CNTNAP5: variants seen among roughly 807,000 people sequenced by gnomAD.
CNTNAP5 encodes contactin associated protein family member 5.
CNTNAP5 carries 72 observed loss-of-function variants against 150.2 expected under a neutral mutation model. That is an observed-to-expected ratio of 0.48 (90% CI 0.40 to 0.58). The LOEUF is 0.58. Ranked by LOEUF, CNTNAP5 falls within the 20% of genes least tolerant of loss-of-function variation. The pLI is 0.00. For missense variants in CNTNAP5, 1,636 were observed against 1,626.2 expected (o/e 1.01, Z -0.10); for synonymous variants, 672 against 619.8 (o/e 1.08, Z -1.25).
At chr2:124,043,198 C>T (rs189509943) in intron 1 of CNTNAP5, among the ~76,000 whole-genome samples, 3 of 152,140 alleles carry the variant, frequency 2.0e-5, no homozygotes, top group Non-Finnish European at 2.9e-5. Context: ...TGTAGTCCAG[C>T]CTACCCTGCA....
intron 17 of CNTNAP5, among the ~76,000 whole-genome samples, chr2:124,775,870 C>T (rs1206169663): frequency 2.0e-5 from 3 of 152,120 alleles, no homozygotes; most frequent in Admixed American, 6.6e-5. Flanking sequence ...TTGTTATTCC[C>T]CCCTAATGTG....
chr2:124,084,881 A>G (rs1682642844), intron 1 of CNTNAP5, among the ~76,000 whole-genome samples: 1 of 138,102 alleles, frequency 7.2e-6, no homozygotes, highest in African/African-American at 2.7e-5. Flanking sequence ...GTGTCTAGAG[A>G]TTTTTTTGGG....
rs1240003164 is a variant in CNTNAP5, at chr2:124,860,021, T to C, written c.3218-5285T>C. 2.6e-5 allele frequency among the ~76,000 whole-genome samples: 4 copies of C among 151,710 alleles called. No homozygotes were observed. The South Asian group carries it at 8.3e-4, about 32-fold the overall frequency. ...CGTGTATACATATGTAACAAACCTG[T>C]ACATTGTGCACATGTATCCTAGAAC... On this transcript the variant is annotated intron_variant, in intron 19 of 23. Coordinates refer to ENST00000682447, the MANE Select transcript of CNTNAP5 (RefSeq NM_001367498.1).
chr2:124,766,499 A>C (rs961459), intron 16 of CNTNAP5, among the ~76,000 whole-genome samples: 79,376 of 151,886 alleles, frequency 0.52, 21,371 homozygotes, highest in East Asian at 0.84. Flanking sequence ...TTACCACACA[A>C]TACATACAAG....
intron 1 of CNTNAP5, among the ~76,000 whole-genome samples, chr2:124,065,055 C>T (rs1682120212): frequency 1.3e-5 from 2 of 152,078 alleles, no homozygotes; most frequent in Admixed American, 6.6e-5. Context: ...CTGTTGTAAT[C>T]CCCCAGTACC....
At chr2:124,872,333 C>G (rs1290695194) in intron 21 of CNTNAP5, among the ~76,000 whole-genome samples, 1 of 150,846 alleles carries the variant, frequency 6.6e-6, no homozygotes, top group Non-Finnish European at 1.5e-5. Flanking sequence ...CTGTTACTAG[C>G]TGTTTTCTAA....
intron 1 of CNTNAP5, among the ~76,000 whole-genome samples, chr2:124,109,471 C>T (rs1024337770): frequency 3.3e-5 from 5 of 152,308 alleles, no homozygotes; most frequent in South Asian, 2.1e-4. Context: ...ATGAGGTAGG[C>T]GCATCAGTAG....
chr2:124,629,374 G>A (rs1247894483), intron 12 of CNTNAP5, among the ~76,000 whole-genome samples: 1 of 152,146 alleles, frequency 6.6e-6, no homozygotes, highest in Non-Finnish European at 1.5e-5. Flanking sequence ...TCAGATCACT[G>A]TGCAATTAAA....
intron 21 of CNTNAP5, among the ~76,000 whole-genome samples, chr2:124,891,003 AG>A (rs1678183337): frequency 1.3e-5 from 2 of 152,120 alleles, no homozygotes; most frequent in African/African-American, 4.8e-5. Context: ...TCACAAAAAA[AG>A]TATGTGGTAG....
chr2:124,733,601 A>G (rs1680320754), intron 13 of CNTNAP5, among the ~76,000 whole-genome samples: 1 of 152,154 alleles, frequency 6.6e-6, no homozygotes, highest in South Asian at 2.1e-4. Context: ...ACATCTGTCT[A>G]GGAAAGTAGA....
At chr2:124,412,107 C>T in intron 3 of CNTNAP5, among the ~76,000 whole-genome samples, 1 of 126,186 alleles carries the variant, frequency 7.9e-6, no homozygotes, top group African/African-American at 2.7e-5. Flanking sequence ...AGAGCCAAAT[C>T]ATGAGTGAAC....
At chr2:124,862,635 C>A (rs1370732810) in intron 19 of CNTNAP5, among the ~76,000 whole-genome samples, 1 of 152,176 alleles carries the variant, frequency 6.6e-6, no homozygotes, top group Non-Finnish European at 1.5e-5. Context: ...GAGTGCACAG[C>A]TGAAGAGGTG....
chr2:124,812,630 A>G (rs938478719), intron 19 of CNTNAP5, among the ~76,000 whole-genome samples: 2 of 152,214 alleles, frequency 1.3e-5, no homozygotes, highest in African/African-American at 2.4e-5. Context: ...ACAACGTCTT[A>G]TCATAACTCA....
At chr2:124,218,286 G>C (rs777444048) in intron 1 of CNTNAP5, among the ~76,000 whole-genome samples, 6 of 152,070 alleles carry the variant, frequency 3.9e-5, no homozygotes, top group Non-Finnish European at 7.4e-5. Context: ...GCAAAAATAG[G>C]CTTCCATTCC....
At chr2:124,510,477 GTATA>G (rs70996072) in intron 8 of CNTNAP5, among the ~76,000 whole-genome samples, 3,364 of 101,634 alleles carry the variant, frequency 0.033, 57 homozygotes, top group Non-Finnish European at 0.042. Context: ...TTATGTATGT[GTATA>G]TATATATATA....
intron 13 of CNTNAP5, among the ~76,000 whole-genome samples, chr2:124,666,619 G>A (rs1031129172): frequency 2.0e-5 from 3 of 152,072 alleles, no homozygotes; most frequent in African/African-American, 7.2e-5. Context: ...GGGGCGAGGG[G>A]TCTCTTCAGA....
chr2:124,515,446 T>C (rs1414333480), intron 8 of CNTNAP5, among the ~76,000 whole-genome samples: 5 of 152,212 alleles, frequency 3.3e-5, no homozygotes, highest in African/African-American at 1.2e-4. Flanking sequence ...TATAGGAATT[T>C]AGAAAGAGAA....
At position 124,619,297 on chromosome 2, in the gene CNTNAP5, G is replaced by A. The variant is rs542850766; in HGVS notation, c.1876+9377G>A. Reference sequence around the variant, plus strand: ...TGCACATAAGGAGACCTTGCAGGATGGGTGAGATGTCACCAGGAAGAAAAG... The same window carrying A: ...TGCACATAAGGAGACCTTGCAGGATAGGTGAGATGTCACCAGGAAGAAAAG... On this transcript the variant is annotated intron_variant, in intron 12 of 23. Coordinates refer to ENST00000682447, the MANE Select transcript of CNTNAP5 (RefSeq NM_001367498.1). Among the ~76,000 whole-genome samples, 9 of 152,250 alleles carry A rather than the reference G, an allele frequency of 5.9e-5. No homozygotes were observed. In the East Asian group the frequency reaches 1.7e-3, roughly 30 times the overall value.
chr2:124,580,648 A>G (rs1175638134), intron 11 of CNTNAP5, among the ~76,000 whole-genome samples: 3 of 152,154 alleles, frequency 2.0e-5, no homozygotes, highest in Non-Finnish European at 4.4e-5. Flanking sequence ...AATGCATAAC[A>G]GTTACGTTTG....
Sources: gnomAD v4.1 joint callset for allele counts (sites outside exome capture counted in the v4.1 genomes callset) on GRCh38, gnomAD v4.1.1 for gene constraint, MANE v1.5 for transcripts, NCBI Gene and HGNC (gene_info 2026-07-23, HGNC 2026-07-21) for gene names.